The following CYP2C19 variants were observed in gnomAD, a reference collection of about 807,000 sequenced individuals.
CYP2C19 encodes the protein cytochrome P450 2C19.
CYP2C19 carries 59 observed loss-of-function variants against 40.9 expected under a neutral mutation model. The observed-to-expected ratio is 1.44, with a 90% confidence interval of 1.17 to 1.79. CYP2C19 has a LOEUF of 1.79. Ranked by LOEUF, CYP2C19 falls within the 40% of genes most tolerant of loss-of-function variation. CYP2C19 has a pLI of 0.00. For missense variants in CYP2C19, 754 were observed against 596.9 expected, an observed-to-expected ratio of 1.26 and a Z score of -2.74; for synonymous variants, 253 against 208.7, an observed-to-expected ratio of 1.21 and a Z score of -1.83.
chr10:94,821,896 T>C (rs1329862897), intron 6 of CYP2C19, among the ~76,000 whole-genome samples: 2 of 152,110 alleles, frequency 1.3e-5, no homozygotes, highest in Admixed American at 6.6e-5. Context: ...ACCCTGGCAG[T>C]AAGCATAGTA....
intron 1 of CYP2C19, among the ~76,000 whole-genome samples, chr10:94,765,687 G>T (rs995203207): frequency 2.6e-5 from 4 of 152,124 alleles, no homozygotes; most frequent in African/African-American, 4.8e-5. Context: ...GTCATGCAGG[G>T]AGTATGTTTG....
chr10:94,796,360 C>CTG (rs1346214420), intron 5 of CYP2C19, among the ~76,000 whole-genome samples: 1 of 149,532 alleles, frequency 6.7e-6, no homozygotes, highest in Non-Finnish European at 1.5e-5. Context: ...GGTCTATATC[C>CTG]ATATGGTACA....
chr10:94,823,872 A>G (rs1440483477), intron 6 of CYP2C19, among the ~76,000 whole-genome samples: 3 of 152,316 alleles, frequency 2.0e-5, no homozygotes, highest in Admixed American at 2.0e-4. Flanking sequence ...CAGACCTCAT[A>G]TAGGACAATG....
intron 5 of CYP2C19, among the ~76,000 whole-genome samples, chr10:94,810,743 C>CT (rs1363288252): frequency 2.6e-4 from 40 of 152,082 alleles, no homozygotes; most frequent in East Asian, 9.6e-4. Context: ...TCCCCTTTAT[C>CT]ATTTTTTTGT....
Position 94,781,878 on chromosome 10 carries a change from C to A in CYP2C19, c.700C>A (p.Leu234Ile). The change falls in exon 5 of 9, where the codon CTT becomes ATT. Residue 234 changes from leucine (L) to isoleucine (I), a missense_variant. Leu to Ile is a conservative substitution (Grantham distance 5, BLOSUM62 2). Coordinates refer to ENST00000371321, the MANE Select transcript of CYP2C19 (RefSeq NM_000769.4). ...DYFPGTHNKLLKNLAFMESDI... is the reference protein window; with the variant it reads ...DYFPGTHNKLIKNLAFMESDI... ...TTTCCCGGGAACCCATAACAAATTA[C>A]TTAAAAACCTTGCTTTTATGGAAAG... The A allele has an allele frequency of 6.7e-7, 1 of 1,497,848 alleles. No homozygotes were observed. Among genetic ancestry groups the A allele is most frequent in the Non-Finnish European group, 8.8e-7 (1 of 1,134,664 alleles). The allele number at this position is 1,497,848 out of a possible 1,614,324, so 92.8% of individuals were successfully genotyped here. A position where few individuals can be genotyped will look rare whatever the true frequency, so the allele number is the denominator to read the frequency against.
At chr10:94,852,143 C>T (rs1019972929) in intron 8 of CYP2C19, among the ~76,000 whole-genome samples, 12 of 152,050 alleles carry the variant, frequency 7.9e-5, no homozygotes, top group Non-Finnish European at 1.3e-4. Flanking sequence ...AAATGTGATA[C>T]GGATCATCAG....
At chr10:94,828,425 C>A (rs370262109) in intron 6 of CYP2C19, among the ~76,000 whole-genome samples, 2 of 149,396 alleles carry the variant, frequency 1.3e-5, no homozygotes, top group African/African-American at 2.5e-5. Flanking sequence ...TAATGGCCTT[C>A]TTTGTCTCTT....
intron 7 of CYP2C19, 147 bp from the exon 8 acceptor site, chr10:94,849,770 G>A (rs756856192): frequency 3.7e-5 from 36 of 982,616 alleles, no homozygotes; most frequent in East Asian, 1.2e-4. Flanking sequence ...TTATTACTTC[G>A]TCTATCTGTC....
At chr10:94,787,847 T>G (rs1387606947) in intron 5 of CYP2C19, among the ~76,000 whole-genome samples, 1 of 152,010 alleles carries the variant, frequency 6.6e-6, no homozygotes, top group Non-Finnish European at 1.5e-5. Flanking sequence ...TTTGGCTACT[T>G]GGGCTCTTCT....
chr10:94,782,465 T>A (rs968853318), intron 5 of CYP2C19, among the ~76,000 whole-genome samples: 1 of 152,124 alleles, frequency 6.6e-6, no homozygotes, highest in South Asian at 2.1e-4. Context: ...ATATAACAGA[T>A]GCTGAAGAGG....
chr10:94,800,561 G>T (rs1848749416), intron 5 of CYP2C19, among the ~76,000 whole-genome samples: 1 of 152,200 alleles, frequency 6.6e-6, no homozygotes, highest in African/African-American at 2.4e-5. Flanking sequence ...CTTCAGAGCT[G>T]TCAGATAGGG....
chr10:94,822,237 A>G (rs1037500144), intron 6 of CYP2C19, among the ~76,000 whole-genome samples: 1 of 152,098 alleles, frequency 6.6e-6, no homozygotes, highest in Non-Finnish European at 1.5e-5. Context: ...GGTTTAATGG[A>G]CTGTCAATTC....
At position 94,842,911 on chromosome 10, in the gene CYP2C19, C is replaced by T. The variant is rs763125128; in HGVS notation, c.1036C>T (p.Pro346Ser). The T allele has an allele frequency of 2.4e-5, 39 of 1,614,054 alleles. No individual in the cohort carries two copies. The Admixed American group carries it at 5.0e-4, about 21-fold the overall frequency. Residue 346 changes from proline to serine, a missense_variant, in exon 7 of 9, where the codon CCC (proline) becomes TCC (serine). Physicochemically the swap from Pro to Ser is moderately conservative, Grantham distance 74. Coordinates refer to ENST00000371321, the MANE Select transcript of CYP2C19 (RefSeq NM_000769.4). ...SPCMQDRGHM[P>S]YTDAVVHEVQ... Reference sequence around the variant, plus strand: ...CTGCATGCAGGACAGGGGCCACATGCCCTACACAGATGCTGTGGTGCACGA... The same window carrying T: ...CTGCATGCAGGACAGGGGCCACATGTCCTACACAGATGCTGTGGTGCACGA...
intron 5 of CYP2C19, among the ~76,000 whole-genome samples, chr10:94,797,036 G>A (rs1848699167): frequency 6.6e-6 from 1 of 152,122 alleles, no homozygotes; most frequent in Admixed American, 6.5e-5. Flanking sequence ...GCGTTGAATA[G>A]GAGTGGTGAG....
intron 7 of CYP2C19, among the ~76,000 whole-genome samples, chr10:94,845,112 A>C (rs925188125): frequency 1.3e-5 from 2 of 152,162 alleles, no homozygotes; most frequent in Non-Finnish European, 2.9e-5. Context: ...AAATCAGGCA[A>C]ATGTGTTCTT....
intron 5 of CYP2C19, among the ~76,000 whole-genome samples, chr10:94,803,704 G>A (rs573378483): frequency 6.6e-6 from 1 of 152,194 alleles, no homozygotes; most frequent in African/African-American, 2.4e-5. Flanking sequence ...TACTCTGCAG[G>A]GGTAAGGGAG....
intron 5 of CYP2C19, among the ~76,000 whole-genome samples, chr10:94,784,659 A>C (rs937655334): frequency 8.6e-5 from 13 of 152,040 alleles, no homozygotes; most frequent in Non-Finnish European, 1.9e-4. Flanking sequence ...TCTGTTGCCT[A>C]GGCTCGAGTG....
chr10:94,788,735 A>G (rs1392647487), intron 5 of CYP2C19, among the ~76,000 whole-genome samples: 1 of 151,936 alleles, frequency 6.6e-6, no homozygotes, highest in Non-Finnish European at 1.5e-5. Flanking sequence ...TATTTTCTCT[A>G]TCTGTCTATC....
chr10:94,780,649 C>A lies in CYP2C19; in HGVS notation c.632C>A (p.Pro211His). The change falls in exon 4 of 9, where the codon CCC becomes CAC. Residue 211 changes from proline to histidine, a missense_variant. Physicochemically the swap from Pro to His is moderately conservative, Grantham distance 77. Coordinates refer to ENST00000371321, the MANE Select transcript of CYP2C19 (RefSeq NM_000769.4). ...GAAAACATCAGGATTGTAAGCACCC[C>A]CTGGATCCAGGTAAGGCCAAGTTTT... is the stretch of plus-strand genomic sequence containing the variant. ...LNENIRIVST[P>H]WIQICNNFPT... 6.2e-7 allele frequency: 1 copy of A among 1,613,564 alleles called. No homozygotes were observed. Among genetic ancestry groups the A allele is most frequent in the Non-Finnish European group, 8.5e-7 (1 of 1,179,796 alleles).
Sources: allele counts gnomAD v4.1 joint callset (sites outside exome capture counted in the v4.1 genomes callset), GRCh38; gene constraint gnomAD v4.1.1; transcripts MANE v1.5; gene names NCBI Gene and HGNC (gene_info 2026-07-23, HGNC 2026-07-21).